The following RPS6KA5 variants were observed in gnomAD, a reference collection of about 807,000 sequenced individuals.
RPS6KA5 encodes ribosomal protein S6 kinase A5.
A neutral mutation model predicts 85.5 loss-of-function variants in RPS6KA5; 27 were observed. That is an observed-to-expected ratio of 0.32 (90% CI 0.23 to 0.44). The LOEUF is 0.44. Among genes scored for constraint, RPS6KA5 ranks in the 20% least tolerant of loss-of-function variants. The probability of loss-of-function intolerance (pLI) is 1.00; values close to 1 mark genes in which losing one functional copy is unlikely to be tolerated. For missense variants in RPS6KA5, 811 were observed against 980.9 expected (o/e 0.83, Z 2.31); for synonymous variants, 334 against 348.2 (o/e 0.96, Z 0.46).
intron 14 of RPS6KA5, among the ~76,000 whole-genome samples, chr14:90,885,946 A>T (rs184623653): frequency 1.1e-4 from 17 of 151,958 alleles, no homozygotes; most frequent in African/African-American, 3.9e-4. Flanking sequence ...GAATTAAACA[A>T]ACTTTAGGAT....
At chr14:90,971,933 T>C (rs963465369) in intron 3 of RPS6KA5, among the ~76,000 whole-genome samples, 30 of 152,310 alleles carry the variant, frequency 2.0e-4, no homozygotes, top group African/African-American at 7.2e-4. Context: ...TAGGAAAATG[T>C]AGTAAGATAG....
At chr14:90,903,152 A>G (rs1192399410) in intron 8 of RPS6KA5, among the ~76,000 whole-genome samples, 183 bp from the exon 9 acceptor site, 1 of 152,180 alleles carries the variant, frequency 6.6e-6, no homozygotes, top group Non-Finnish European at 1.5e-5. Context: ...TATAGCTCCA[A>G]CCAATGCTGT....
intron 1 of RPS6KA5, among the ~76,000 whole-genome samples, chr14:91,049,642 C>A (rs879805277): frequency 6.6e-6 from 1 of 151,882 alleles, no homozygotes; most frequent in Non-Finnish European, 1.5e-5. Flanking sequence ...AAAAAAGAGA[C>A]AAGTACTACA....
At chr14:91,058,641 T>A (rs539390015) in intron 1 of RPS6KA5, among the ~76,000 whole-genome samples, 39 of 152,314 alleles carry the variant, frequency 2.6e-4, no homozygotes, top group African/African-American at 9.1e-4. Context: ...CAAATCCGAA[T>A]AAATGTATAC....
chr14:90,870,185 G>A lies in RPS6KA5; in HGVS notation c.*1889C>T, dbSNP rs931035962. On this transcript the variant is annotated 3_prime_UTR_variant, in exon 17 of 17. Coordinates refer to ENST00000614987, the MANE Select transcript of RPS6KA5 (RefSeq NM_004755.4). ...CACAGTTTAAAAAATGGCTTGAAGAGCCAAATATGTTCCCAATATGTCCAA... is the reference window on the plus strand; with the variant it reads ...CACAGTTTAAAAAATGGCTTGAAGAACCAAATATGTTCCCAATATGTCCAA... 6 of 152,228 alleles carry A rather than the reference G, an allele frequency of 3.9e-5. No individual in the cohort carries two copies. The highest frequency in any genetic ancestry group is 9.6e-5 in the African/African-American group (4 of 41,550). The allele number at this position is 152,228 out of a possible 1,614,324, so 9.4% of individuals were successfully genotyped here.
chr14:90,915,934 A>T (rs1190969481), intron 7 of RPS6KA5, among the ~76,000 whole-genome samples: 1 of 152,120 alleles, frequency 6.6e-6, no homozygotes, highest in Non-Finnish European at 1.5e-5. Flanking sequence ...GCTAAAAACC[A>T]ATCATTCCAA....
At chr14:90,898,560 G>C (rs2034974000) in intron 12 of RPS6KA5, among the ~76,000 whole-genome samples, 1 of 152,196 alleles carries the variant, frequency 6.6e-6, no homozygotes, top group African/African-American at 2.4e-5. Flanking sequence ...CAAGTTTTAT[G>C]AACATTCAAA....
At chr14:90,987,127 T>C (rs2040088353) in intron 2 of RPS6KA5, among the ~76,000 whole-genome samples, 1 of 152,232 alleles carries the variant, frequency 6.6e-6, no homozygotes, top group Admixed American at 6.5e-5. Context: ...ATAAACATTG[T>C]AGGCTTACAC....
chr14:90,996,984 G>C (rs2040552643), intron 2 of RPS6KA5, among the ~76,000 whole-genome samples: 1 of 152,098 alleles, frequency 6.6e-6, no homozygotes, highest in Non-Finnish European at 1.5e-5. Flanking sequence ...ATGGAATTCT[G>C]CCATCTAAAT....
intron 3 of RPS6KA5, among the ~76,000 whole-genome samples, chr14:90,962,170 T>C (rs2038829991): frequency 6.6e-6 from 1 of 152,214 alleles, no homozygotes; most frequent in Non-Finnish European, 1.5e-5. Context: ...TTCCACGGGC[T>C]TACATTATGA....
intron 5 of RPS6KA5, among the ~76,000 whole-genome samples, chr14:90,939,515 G>GA (rs1258507545): frequency 6.6e-6 from 1 of 152,200 alleles, no homozygotes; most frequent in Non-Finnish European, 1.5e-5. Flanking sequence ...ATTTACAAAA[G>GA]AAAGAGGTTT....
intron 6 of RPS6KA5, among the ~76,000 whole-genome samples, chr14:90,922,245 C>T (rs1388126550): frequency 1.3e-5 from 2 of 152,050 alleles, no homozygotes; most frequent in Non-Finnish European, 2.9e-5. Context: ...GCTTAAAAAG[C>T]CAATTATTAA....
chr14:90,956,669 T>C (rs1027891284), intron 3 of RPS6KA5, among the ~76,000 whole-genome samples: 3 of 134,170 alleles, frequency 2.2e-5, no homozygotes, highest in African/African-American at 7.2e-5. Context: ...CTCATTTTAC[T>C]TTTTTTTTTT....
At chr14:90,993,450 A>G (rs1414269975) in intron 2 of RPS6KA5, among the ~76,000 whole-genome samples, 1 of 152,152 alleles carries the variant, frequency 6.6e-6, no homozygotes, top group Admixed American at 6.5e-5. Flanking sequence ...AAAAAAAACA[A>G]CAAGACAGAG....
intron 7 of RPS6KA5, among the ~76,000 whole-genome samples, chr14:90,916,563 C>T (rs2036126894): frequency 6.6e-6 from 1 of 151,944 alleles, no homozygotes; most frequent in South Asian, 2.1e-4. Context: ...GATAATGGCA[C>T]ATTTATCTAA....
intron 1 of RPS6KA5, among the ~76,000 whole-genome samples, chr14:91,035,931 A>C (rs1457336727): frequency 2.1e-5 from 3 of 141,252 alleles, no homozygotes; most frequent in Non-Finnish European, 4.5e-5. Context: ...TGAATTAGGT[A>C]TCTTCAAGCA....
chr14:90,983,701 C>G (rs2039910276), intron 2 of RPS6KA5, among the ~76,000 whole-genome samples: 1 of 150,794 alleles, frequency 6.6e-6, no homozygotes, highest in Admixed American at 6.6e-5. Context: ...GGGAAAGGGG[C>G]ATCGGGAAAG....
rs12896321 is a variant in RPS6KA5 at position 90,852,799 on chromosome 14, G to C, written c.*19275C>G. The C allele has an allele frequency of 0.31, 44,509 of 143,786 alleles. 7,989 individuals are homozygous for C. The highest frequency in any genetic ancestry group is 0.41 in the Non-Finnish European group (27,245 of 66,988). The allele number at this position is 143,786 out of a possible 1,614,324, so 8.9% of individuals were successfully genotyped here. A position where few individuals can be genotyped will look rare whatever the true frequency, so the allele number is the denominator to read the frequency against. On this transcript the variant is annotated 3_prime_UTR_variant, in exon 17 of 17. Coordinates refer to ENST00000614987, the MANE Select transcript of RPS6KA5 (RefSeq NM_004755.4). The stretch of plus-strand genomic sequence containing the variant: ...GGCTGGAGTGCAGTGGCGCGATCTC[G>C]GCTCACTACAAGCTCCGCCTCCCGG...
At chr14:91,044,639 C>T (rs1160948526) in intron 1 of RPS6KA5, among the ~76,000 whole-genome samples, 3 of 151,992 alleles carry the variant, frequency 2.0e-5, no homozygotes, top group Admixed American at 6.6e-5. Context: ...TTTTGGAGGC[C>T]GAGGCGGGTG....
Sources: allele counts gnomAD v4.1 joint callset (sites outside exome capture counted in the v4.1 genomes callset), GRCh38; gene constraint gnomAD v4.1.1; transcripts MANE v1.5; gene names NCBI Gene and HGNC (gene_info 2026-07-23, HGNC 2026-07-21).